The following ST6GALNAC3 variants were observed in gnomAD, a reference collection of about 807,000 sequenced individuals.
The protein encoded by ST6GALNAC3 is ST6 N-acetylgalactosaminide alpha-2,6-sialyltransferase 3, also known as alpha-N-acetylgalactosaminide alpha-2,6-sialyltransferase 3.
In ST6GALNAC3, 25 loss-of-function variants were observed where a neutral mutation model predicts 32.7. That is an observed-to-expected ratio of 0.76 (90% CI 0.56 to 1.07). The LOEUF (loss-of-function observed/expected upper bound fraction) is 1.07, where lower values mean the gene tolerates loss of function less well. Among genes scored for constraint, ST6GALNAC3 ranks in the 50% least tolerant of loss-of-function variants. The pLI is 0.00. For missense variants in ST6GALNAC3, 355 were observed against 382.4 expected (o/e 0.93, Z 0.60); for synonymous variants, 129 against 133.1 (o/e 0.97, Z 0.21).
intron 3 of ST6GALNAC3, among the ~76,000 whole-genome samples, chr1:76,417,204 T>C (rs1654704969): frequency 6.6e-6 from 1 of 151,224 alleles, no homozygotes; most frequent in Admixed American, 6.6e-5. Context: ...TGGGGCCCAG[T>C]TGTTTTTTTT....
chr1:76,546,768 G>A (rs1664322303), intron 3 of ST6GALNAC3, among the ~76,000 whole-genome samples: 1 of 152,208 alleles, frequency 6.6e-6, no homozygotes, highest in African/African-American at 2.4e-5. Context: ...AGAAGTCCAG[G>A]TTGAGGCTGC....
intron 3 of ST6GALNAC3, among the ~76,000 whole-genome samples, chr1:76,603,560 T>C (rs909753841): frequency 2.0e-5 from 3 of 152,126 alleles, no homozygotes; most frequent in Non-Finnish European, 4.4e-5. Flanking sequence ...CACAGTAAAA[T>C]GACGTTGAAA....
At chr1:76,179,459 A>G (rs1653044799) in intron 1 of ST6GALNAC3, among the ~76,000 whole-genome samples, 1 of 152,166 alleles carries the variant, frequency 6.6e-6, no homozygotes, top group Non-Finnish European at 1.5e-5. Flanking sequence ...TGTCACCACC[A>G]TGTGTGGCCT....
At chr1:76,171,273 T>A (rs1269568934) in intron 1 of ST6GALNAC3, among the ~76,000 whole-genome samples, 1 of 152,172 alleles carries the variant, frequency 6.6e-6, no homozygotes, top group Non-Finnish European at 1.5e-5. Context: ...TTTAGGGTTC[T>A]GTATTAAATT....
At chr1:76,244,566 A>G (rs1657150749) in intron 1 of ST6GALNAC3, among the ~76,000 whole-genome samples, 1 of 152,156 alleles carries the variant, frequency 6.6e-6, no homozygotes. Context: ...TCCATTCAGT[A>G]TGATATTGGT....
At chr1:76,287,016 A>C (rs1659819722) in intron 1 of ST6GALNAC3, among the ~76,000 whole-genome samples, 1 of 152,236 alleles carries the variant, frequency 6.6e-6, no homozygotes, top group African/African-American at 2.4e-5. Flanking sequence ...TGAATTCTGG[A>C]CTTCTGATCT....
chr1:76,524,714 G>GT (rs199723434), intron 3 of ST6GALNAC3, among the ~76,000 whole-genome samples: 2,649 of 140,084 alleles, frequency 0.019, 29 homozygotes, highest in Middle Eastern at 0.037. Flanking sequence ...AAATATTTCA[G>GT]TTTTTTTTTT....
intron 2 of ST6GALNAC3, among the ~76,000 whole-genome samples, chr1:76,382,332 T>C (rs1007995131): frequency 2.0e-5 from 3 of 152,190 alleles, no homozygotes; most frequent in African/African-American, 4.8e-5. Context: ...CAGATTTCAA[T>C]ACAACTATGA....
At chr1:76,156,490 GATTT>G (rs1651435183) in intron 1 of ST6GALNAC3, among the ~76,000 whole-genome samples, 1 of 151,284 alleles carries the variant, frequency 6.6e-6, no homozygotes, top group African/African-American at 2.4e-5. Context: ...GACTCATAGA[GATTT>G]ATTCCATACT....
At chr1:76,344,549 A>G (rs1416261523) in intron 2 of ST6GALNAC3, among the ~76,000 whole-genome samples, 2 of 152,202 alleles carry the variant, frequency 1.3e-5, no homozygotes, top group African/African-American at 4.8e-5. Context: ...CATTTTGTTC[A>G]TGATGGCTGT....
intron 3 of ST6GALNAC3, among the ~76,000 whole-genome samples, chr1:76,517,796 A>G (rs1226682080): frequency 6.6e-6 from 1 of 151,904 alleles, no homozygotes; most frequent in East Asian, 1.9e-4. Flanking sequence ...TACAGTCAAG[A>G]TTTATTAAAA....
chr1:76,540,311 A>G lies in ST6GALNAC3; in HGVS notation c.624-87141A>G, dbSNP rs527336569. On this transcript the variant is annotated intron_variant, in intron 3 of 4. Transcript: ENST00000328299. ...CATAAGTGGGAGTTGAACAATGAGA[A>G]CATATGGACACAAAGAGGGGAACAA... 4.6e-5 allele frequency among the ~76,000 whole-genome samples: 7 copies of G among 152,220 alleles called. No individual in the cohort carries two copies. In the South Asian group the frequency reaches 1.5e-3, roughly 32 times the overall value.
At chr1:76,277,617 C>T (rs1288101207) in intron 1 of ST6GALNAC3, among the ~76,000 whole-genome samples, 15 of 90,586 alleles carry the variant, frequency 1.7e-4, no homozygotes, top group African/African-American at 1.3e-3. Context: ...TATATACACA[C>T]ACACACACAC....
chr1:76,517,365 A>G (rs1020040721), intron 3 of ST6GALNAC3, among the ~76,000 whole-genome samples: 4 of 151,816 alleles, frequency 2.6e-5, no homozygotes, highest in Non-Finnish European at 4.4e-5. Flanking sequence ...CTTTTTAAGT[A>G]TAATTTTAAT....
At chr1:76,274,419 C>T (rs1659024487) in intron 1 of ST6GALNAC3, among the ~76,000 whole-genome samples, 2 of 152,060 alleles carry the variant, frequency 1.3e-5, no homozygotes, top group Admixed American at 6.6e-5. Flanking sequence ...TGACTTTGCC[C>T]CCAATCTCTC....
chr1:76,543,269 G>T (rs1373074194), intron 3 of ST6GALNAC3, among the ~76,000 whole-genome samples: 1 of 152,152 alleles, frequency 6.6e-6, no homozygotes, highest in African/African-American at 2.4e-5. Flanking sequence ...CTCAGGGAAG[G>T]TCGGGAACTG....
At chr1:76,174,663 C>CTTTTTTT (rs59269306) in intron 1 of ST6GALNAC3, among the ~76,000 whole-genome samples, 38 of 140,126 alleles carry the variant, frequency 2.7e-4, no homozygotes, top group Middle Eastern at 3.7e-3. Context: ...TTTTTCTTTT[C>CTTTTTTT]TTTTTTTTTT....
At chr1:76,407,495 G>T (rs1050151046) in intron 2 of ST6GALNAC3, among the ~76,000 whole-genome samples, 24 of 152,100 alleles carry the variant, frequency 1.6e-4, no homozygotes, top group Non-Finnish European at 7.4e-5. Flanking sequence ...AAAAGGAAGT[G>T]TTTGACATTT....
intron 1 of ST6GALNAC3, among the ~76,000 whole-genome samples, chr1:76,175,908 T>C (rs756504076): frequency 6.6e-5 from 10 of 152,202 alleles, no homozygotes; most frequent in Non-Finnish European, 1.3e-4. Context: ...TTACGAACTT[T>C]GGGGACACAA....
Sources: allele counts gnomAD v4.1 joint callset (sites outside exome capture counted in the v4.1 genomes callset), GRCh38; gene constraint gnomAD v4.1.1; transcripts MANE v1.5; gene names NCBI Gene and HGNC (gene_info 2026-07-23, HGNC 2026-07-21).